Variants in OTUD4 observed in about 807,000 individuals in gnomAD.
OTUD4 encodes OTU deubiquitinase 4, also known as OTU domain-containing protein 4.
A neutral mutation model predicts 130.4 loss-of-function variants in OTUD4; 24 were observed. That is an observed-to-expected ratio of 0.18 (90% CI 0.13 to 0.26). OTUD4 has a LOEUF of 0.26. Among genes scored for constraint, OTUD4 ranks in the 10% least tolerant of loss-of-function variants. OTUD4 has a pLI of 1.00. For synonymous variants in OTUD4, 420 were observed against 472.5 expected (o/e 0.89, Z 1.44); for missense variants, 1,031 against 1,329.4 (o/e 0.78, Z 3.49).
rs1371897376 is a variant in OTUD4 at position 145,136,523 on chromosome 4, A to G, written c.*907T>C. On this transcript the variant is annotated 3_prime_UTR_variant, in exon 21 of 21. Coordinates refer to ENST00000447906, the MANE Select transcript of OTUD4 (RefSeq NM_001366057.1). ...ACCTGTCAAGCTAAAAATTTTTAAC[A>G]TTTCTTCTCACAAAATATTTAGAAT... is the stretch of plus-strand genomic sequence containing the variant. The G allele has an allele frequency of 1.6e-5, 2 of 122,042 alleles. No individual in the cohort carries two copies. The highest frequency in any genetic ancestry group is 2.2e-4 in the Admixed American group (2 of 9,048). 7.6% of individuals were successfully genotyped at this position (122,042 alleles called of 1,614,324 possible).
At chr4:145,144,062 G>T (rs1164394368) in intron 15 of OTUD4, 61 bp from the exon 16 acceptor site, 22 of 1,343,564 alleles carry the variant, frequency 1.6e-5, no homozygotes, top group Non-Finnish European at 2.2e-5. Flanking sequence ...GAACACAGAA[G>T]AACAAAATAC....
At chr4:145,155,837 G>A (rs1751256785) in intron 8 of OTUD4, 99 bp downstream of exon 8, 1 of 1,063,972 alleles carries the variant, frequency 9.4e-7, no homozygotes, top group African/African-American at 1.6e-5. Context: ...ATCCTGACTT[G>A]ACTGAAATGT....
At chr4:145,141,777 C>A in intron 18 of OTUD4, 138 bp from the exon 19 acceptor site, 2 of 660,656 alleles carry the variant, frequency 3.0e-6, no homozygotes, top group Non-Finnish European at 4.8e-6. Context: ...ACCAAGAGCC[C>A]TCCTGGACAC....
rs778511168 is a variant in OTUD4 at position 145,155,591 on chromosome 4, T to A, written c.786A>T (p.Glu262Asp). 2 of 1,611,430 alleles carry A rather than the reference T, an allele frequency of 1.2e-6. No individual in the cohort carries two copies. Among genetic ancestry groups the A allele is most frequent in the South Asian group, 2.2e-5 (2 of 90,244 alleles). The stretch of plus-strand genomic sequence containing the variant: ...CACCTTGTTTAGACTTCAGCCAAAT[T>A]TCATATTCCACATTTCTATAGACTG... ...NPAVYRNVEY[E>D]IWLKSKQAQQ... Residue 262 changes from glutamate (E) to aspartate (D), a missense_variant, in exon 9 of 21, where the codon GAA becomes GAT. Around this residue, in one of 3 missense-constraint regions of OTUD4, gnomAD observed 900 missense variants for 1,095.9 expected, o/e 0.82. Transcript: ENST00000447906.
chr4:145,163,703 C>CTTTTT (rs11430342), intron 5 of OTUD4, among the ~76,000 whole-genome samples: 2 of 126,516 alleles, frequency 1.6e-5, no homozygotes, highest in East Asian at 2.3e-4. Context: ...TAATAGGAAC[C>CTTTTT]TTTTTTTTTT....
At chr4:145,171,815 T>C in intron 2 of OTUD4, 95 bp from the exon 3 acceptor site, 2 of 717,614 alleles carry the variant, frequency 2.8e-6, no homozygotes, top group South Asian at 3.2e-5. Context: ...AATTACTGAG[T>C]TTGTACATAA....
chr4:145,147,872 T>A (rs575515238), intron 13 of OTUD4, among the ~76,000 whole-genome samples: 1 of 152,372 alleles, frequency 6.6e-6, no homozygotes, highest in Admixed American at 6.5e-5. Context: ...TCAATTAGAT[T>A]GTTAGCTATA....
At chr4:145,144,062 G>A (rs1164394368) in intron 15 of OTUD4, 61 bp from the exon 16 acceptor site, 6 of 1,343,684 alleles carry the variant, frequency 4.5e-6, no homozygotes, top group South Asian at 3.7e-5. Context: ...GAACACAGAA[G>A]AACAAAATAC....
intron 6 of OTUD4, 38 bp from the exon 7 acceptor site, chr4:145,159,673 A>G (rs1751461638): frequency 1.2e-6 from 2 of 1,603,168 alleles, no homozygotes; most frequent in Middle Eastern, 3.3e-4. Context: ...AACATTAACT[A>G]CAGGCAGTTT....
chr4:145,156,800 CTTGA>C (rs1222123378), intron 7 of OTUD4, among the ~76,000 whole-genome samples: 2 of 152,132 alleles, frequency 1.3e-5, no homozygotes, highest in African/African-American at 4.8e-5. Flanking sequence ...CAATAAATAA[CTTGA>C]TTGTCTACTA....
In OTUD4 at chr4:145,150,819, C is replaced by G; in HGVS notation, c.1055G>C (p.Gly352Ala). ...GKKMKKPSTSGQNFHSDVDYR... is the reference protein window; with the variant it reads ...GKKMKKPSTSAQNFHSDVDYR... Reference sequence around the variant, plus strand: ...GCTCCTACCAGAATGGAAATTTTGTCCAGAAGTGGAAGGTTTTTTCATCTT... The same window carrying G: ...GCTCCTACCAGAATGGAAATTTTGTGCAGAAGTGGAAGGTTTTTTCATCTT... The change falls in exon 12 of 21, where the codon GGA becomes GCA. Residue 352 changes from glycine to alanine, a missense_variant. Coordinates refer to ENST00000447906, the MANE Select transcript of OTUD4 (RefSeq NM_001366057.1). 1 of 1,613,468 alleles carries G rather than the reference C, an allele frequency of 6.2e-7. No homozygotes were observed. Among genetic ancestry groups the G allele is most frequent in the Non-Finnish European group, 8.5e-7 (1 of 1,179,612 alleles).
rs372734532 is a variant in OTUD4, at chr4:145,145,071, A to G, written c.1423-637T>C. ...CAAATCTGAGCCACTATCAAAAGCA[A>G]TCAGTATCAAACTCCTTAGTCTAAA... On this transcript the variant is annotated intron_variant, in intron 14 of 20. Coordinates refer to ENST00000447906, the MANE Select transcript of OTUD4 (RefSeq NM_001366057.1). Among the ~76,000 whole-genome samples the G allele has an allele frequency of 4.7e-4, 72 of 152,264 alleles. 1 individual carries two copies. The South Asian group carries it at 0.012, about 25-fold the overall frequency.
At chr4:145,150,469 C>A in intron 13 of OTUD4, 44 bp downstream of exon 13, 3 of 1,347,956 alleles carry the variant, frequency 2.2e-6, no homozygotes, top group South Asian at 1.3e-5. Flanking sequence ...TAACAAATGC[C>A]TCTTACTTGA....
At chr4:145,161,944 C>T (rs539433309) in intron 6 of OTUD4, among the ~76,000 whole-genome samples, 2 of 152,296 alleles carry the variant, frequency 1.3e-5, no homozygotes, top group South Asian at 4.1e-4. Context: ...GCCACAAGCT[C>T]CCTTTCCTCC....
At chr4:145,165,111 T>C (rs1216772425) in intron 4 of OTUD4, 40 bp downstream of exon 4, 2 of 1,135,876 alleles carry the variant, frequency 1.8e-6, no homozygotes, top group Non-Finnish European at 2.6e-6. Context: ...AATTTCCCAC[T>C]GGTTTCATTT....
intron 7 of OTUD4, among the ~76,000 whole-genome samples, chr4:145,158,849 C>T (rs969147193): frequency 9.2e-5 from 14 of 152,116 alleles, no homozygotes; most frequent in African/African-American, 3.4e-4. Flanking sequence ...CTGATTATAT[C>T]CTAATTTTAG....
chr4:145,161,882 T>C (rs1015755814), intron 6 of OTUD4, among the ~76,000 whole-genome samples: 1 of 152,230 alleles, frequency 6.6e-6, no homozygotes, highest in Non-Finnish European at 1.5e-5. Context: ...TAAATCTTTA[T>C]TACCAAAATG....
At chr4:145,146,150 T>C (rs1170829555) in intron 14 of OTUD4, 117 bp downstream of exon 14, 9 of 557,054 alleles carry the variant, frequency 1.6e-5, no homozygotes, top group Non-Finnish European at 2.0e-5. Flanking sequence ...ATGTGATCTT[T>C]AAAGTATTTA....
chr4:145,148,695 A>G (rs987055244), intron 13 of OTUD4, among the ~76,000 whole-genome samples: 1 of 152,202 alleles, frequency 6.6e-6, no homozygotes, highest in African/African-American at 2.4e-5. Flanking sequence ...TTAAATCACT[A>G]AAGAGTACAC....
Sources: allele counts gnomAD v4.1 joint callset (sites outside exome capture counted in the v4.1 genomes callset), GRCh38; gene constraint gnomAD v4.1.1; regional missense constraint gnomAD v4.1.1; transcripts MANE v1.5; gene names NCBI Gene and HGNC (gene_info 2026-07-23, HGNC 2026-07-21).